Variants in ALKBH8 observed in about 807,000 individuals in gnomAD.
ALKBH8 encodes the protein alkB homolog 8, tRNA methyltransferase.
ALKBH8 carries 36 observed loss-of-function variants against 59.8 expected under a neutral mutation model. The observed-to-expected ratio is 0.60, with a 90% CI of 0.46 to 0.79. The LOEUF (loss-of-function observed/expected upper bound fraction) is 0.79. Among genes scored for constraint, ALKBH8 ranks in the 30% least tolerant of loss-of-function variants. The pLI is 0.00. For synonymous variants in ALKBH8, 276 were observed against 273.6 expected (o/e 1.01, Z -0.09); for missense variants, 768 against 801.0 (o/e 0.96, Z 0.50).
At chr11:107,531,680 T>C (rs1365321209) in intron 8 of ALKBH8, among the ~76,000 whole-genome samples, 1 of 152,240 alleles carries the variant, frequency 6.6e-6, no homozygotes, top group African/African-American at 2.4e-5. Flanking sequence ...ATTTGAGCAC[T>C]GCACTGTGGT....
At chr11:107,559,828 A>G (rs1864865391) in intron 2 of ALKBH8, among the ~76,000 whole-genome samples, 1 of 152,196 alleles carries the variant, frequency 6.6e-6, no homozygotes, top group Non-Finnish European at 1.5e-5. Context: ...AGAAGACAGC[A>G]TAGTAAGCAT....
intron 10 of ALKBH8, among the ~76,000 whole-genome samples, chr11:107,519,138 T>A (rs948114506): frequency 6.6e-6 from 1 of 152,048 alleles, no homozygotes; most frequent in Non-Finnish European, 1.5e-5. Context: ...AGAGTCTCAC[T>A]CTTATTGCCC....
At chr11:107,541,559 A>G (rs1331430150) in intron 7 of ALKBH8, among the ~76,000 whole-genome samples, 1 of 152,236 alleles carries the variant, frequency 6.6e-6, no homozygotes, top group Non-Finnish European at 1.5e-5. Flanking sequence ...TCTTTGTCTT[A>G]AAGAACAAAG....
intron 3 of ALKBH8, among the ~76,000 whole-genome samples, chr11:107,556,124 A>G (rs542105278): frequency 2.0e-5 from 3 of 152,208 alleles, no homozygotes; most frequent in Admixed American, 6.5e-5. Flanking sequence ...CTAAAAATAC[A>G]AAAATTAGCC....
chr11:107,565,603 C>G lies in ALKBH8; in HGVS notation c.-9G>C, dbSNP rs1488201352. ...CGCCAGTAAGAAGTGCCACACACCT[C>G]CGCTTCGGCTCAGGCCGGATTCTCA... On this transcript the variant is annotated splice_region_variant and 5_prime_UTR_variant, in exon 1 of 12. Coordinates refer to ENST00000428149, the MANE Select transcript of ALKBH8 (RefSeq NM_138775.3). 44 of 1,535,740 alleles carry G rather than the reference C, an allele frequency of 2.9e-5. 1 individual carries two copies. The Admixed American group carries it at 8.6e-4, about 30-fold the overall frequency.
chr11:107,530,000 G>A (rs1056250585), intron 8 of ALKBH8, among the ~76,000 whole-genome samples: 1 of 152,152 alleles, frequency 6.6e-6, no homozygotes. Context: ...GTGACACACA[G>A]TTTCAGGTAC....
rs1418338950 is a variant in ALKBH8 at position 107,525,470 on chromosome 11, C to G, written c.1001G>C (p.Arg334Thr). Reference protein sequence around the residue: ...KRGLRTSFTFRKVRQTPCNCS... With the variant: ...KRGLRTSFTFTKVRQTPCNCS... ...GTTACAAGGTGTTTGCCTCACTTTC[C>G]TAAATGTAAATGATGTTCGTAGTCC... Residue 334 changes from arginine (R) to threonine (T), a missense_variant, in exon 9 of 12, where the codon AGG (arginine) becomes ACG (threonine). Coordinates refer to ENST00000428149, the MANE Select transcript of ALKBH8 (RefSeq NM_138775.3). 8 of 1,545,050 alleles carry G rather than the reference C, an allele frequency of 5.2e-6. No individual in the cohort carries two copies. The South Asian group carries it at 9.6e-5, about 18-fold the overall frequency.
rs11212273 is a variant in ALKBH8 at position 107,504,203 on chromosome 11, G to C, written c.*455C>G. On this transcript the variant is annotated 3_prime_UTR_variant, in exon 12 of 12. Coordinates refer to ENST00000428149, the MANE Select transcript of ALKBH8 (RefSeq NM_138775.3). Reference sequence around the variant, plus strand: ...CCTGGGCTAGTCAGGCATGGAAATAGAATGGTTATTGTCTATGATTTTACA... The same window carrying C: ...CCTGGGCTAGTCAGGCATGGAAATACAATGGTTATTGTCTATGATTTTACA... 2.9e-6 allele frequency: 1 copy of C among 344,220 alleles called. No individual in the cohort carries two copies. The highest frequency in any genetic ancestry group is 5.2e-6 in the Non-Finnish European group (1 of 193,392). The allele number at this position is 344,220 out of a possible 1,614,324, so 21.3% of individuals were successfully genotyped here. A position where few individuals can be genotyped will look rare whatever the true frequency, so the allele number is the denominator to read the frequency against.
chr11:107,559,836 C>T (rs1864865796), intron 2 of ALKBH8, among the ~76,000 whole-genome samples: 1 of 152,138 alleles, frequency 6.6e-6, no homozygotes, highest in South Asian at 2.1e-4. Context: ...GCATAGTAAG[C>T]ATTAAGGCAA....
chr11:107,532,202 C>T (rs1863622859), intron 8 of ALKBH8, 98 bp downstream of exon 8: 1 of 945,174 alleles, frequency 1.1e-6, no homozygotes, highest in East Asian at 2.7e-5. Context: ...ACCCAGAAGC[C>T]TCAATCTGCA....
chr11:107,556,949 G>A lies in ALKBH8; in HGVS notation c.184C>T (p.Leu62Phe), dbSNP rs530247717. Residue 62 changes from leucine to phenylalanine, a missense_variant, in exon 3 of 12, where the codon CTC (leucine) becomes TTC (phenylalanine). Coordinates refer to ENST00000428149, the MANE Select transcript of ALKBH8 (RefSeq NM_138775.3). Reference protein sequence around the residue: ...LGNGVSRNQLLPVLEKCGLVD... With the variant: ...LGNGVSRNQLFPVLEKCGLVD... ...AGTCCACATTTCTCTAAAACCGGGA[G>A]CAGCTGGTTCCGACTCACACCATTA... is the stretch of plus-strand genomic sequence containing the variant. The A allele has an allele frequency of 1.2e-6, 2 of 1,610,966 alleles. No homozygotes were observed. Among genetic ancestry groups the A allele is most frequent in the South Asian group, 1.1e-5 (1 of 90,674 alleles).
At chr11:107,515,761 A>C (rs1448072309) in intron 10 of ALKBH8, among the ~76,000 whole-genome samples, 1 of 152,210 alleles carries the variant, frequency 6.6e-6, no homozygotes, top group African/African-American at 2.4e-5. Context: ...AAAGGTGCAA[A>C]CTGAAACAAG....
Position 107,532,331 on chromosome 11 carries a change from T to A in ALKBH8, c.847A>T (p.Thr283Ser), listed in dbSNP as rs202093339. The change falls in exon 8 of 12, where the codon ACA becomes TCA. Residue 283 changes from threonine (T) to serine (S), a missense_variant. Coordinates refer to ENST00000428149, the MANE Select transcript of ALKBH8 (RefSeq NM_138775.3). ...MLPRRSLLVM[T>S]GESRYLWTHG... The stretch of plus-strand genomic sequence containing the variant: ...GTCCAAAGGTATCTAGATTCTCCTG[T>A]CATCACCAGCAAACTCCGACGAGGC... The A allele has an allele frequency of 4.3e-6, 7 of 1,613,592 alleles. No homozygotes were observed. In the African/African-American group the frequency reaches 9.3e-5, roughly 22 times the overall value.
rs184105011 is a variant in ALKBH8, at chr11:107,505,241, A to C, written c.1438-26T>G. On this transcript the variant is annotated intron_variant, in intron 11 of 11. Coordinates refer to ENST00000428149, the MANE Select transcript of ALKBH8 (RefSeq NM_138775.3). ...CTAATGAAAAAAAACAAAACACATG[A>C]TCAACCTGGAAGAGACAGGAAATCA... is the stretch of plus-strand genomic sequence containing the variant. 3.8e-4 allele frequency: 568 copies of C among 1,493,824 alleles called. 1 individual carries two copies. Among genetic ancestry groups the C allele is most frequent in the Middle Eastern group, 2.8e-3 (16 of 5,694 alleles). The allele number at this position is 1,493,824 out of a possible 1,614,324, so 92.5% of individuals were successfully genotyped here.
chr11:107,508,693 A>G (rs964306694), intron 11 of ALKBH8, among the ~76,000 whole-genome samples: 5 of 152,162 alleles, frequency 3.3e-5, no homozygotes, highest in African/African-American at 1.2e-4. Flanking sequence ...GCCTCTGGTA[A>G]CAACTGTTCC....
chr11:107,514,016 A>C (rs1179270667), intron 10 of ALKBH8, among the ~76,000 whole-genome samples: 3 of 151,982 alleles, frequency 2.0e-5, no homozygotes, highest in African/African-American at 7.2e-5. Context: ...TATATAACAA[A>C]CCTGCACATG....
chr11:107,510,762 C>T, intron 11 of ALKBH8, 125 bp downstream of exon 11: 1 of 1,051,388 alleles, frequency 9.5e-7, no homozygotes, highest in Non-Finnish European at 1.3e-6. Context: ...AGAGGGAAAA[C>T]TGTGACAAGA....
chr11:107,505,849 C>A (rs1469307648), intron 11 of ALKBH8, among the ~76,000 whole-genome samples: 2 of 152,124 alleles, frequency 1.3e-5, no homozygotes, highest in African/African-American at 4.8e-5. Context: ...AATGCAGAGG[C>A]CTTAGTGGCC....
intron 2 of ALKBH8, among the ~76,000 whole-genome samples, chr11:107,559,853 T>C (rs1271708570): frequency 1.3e-5 from 2 of 152,146 alleles, no homozygotes; most frequent in Non-Finnish European, 2.9e-5. Context: ...GCAAGAGTAT[T>C]GGTCTGAGAG....
Sources: allele counts gnomAD v4.1 joint callset (sites outside exome capture counted in the v4.1 genomes callset), GRCh38; gene constraint gnomAD v4.1.1; transcripts MANE v1.5; gene names NCBI Gene and HGNC (gene_info 2026-07-23, HGNC 2026-07-21).